ST7: variants seen among roughly 807,000 people sequenced by gnomAD.
ST7 encodes the protein suppression of tumorigenicity 7.
Under a neutral mutation model 78.7 loss-of-function variants are expected in ST7, and 28 were observed. The observed-to-expected ratio is 0.36, with a 90% CI of 0.26 to 0.49. ST7 has a LOEUF of 0.49. Among genes scored for constraint, ST7 ranks in the 20% least tolerant of loss-of-function variants. The pLI, the probability that ST7 is intolerant of heterozygous loss-of-function variation, is 0.99. For synonymous variants in ST7, 247 were observed against 249.6 expected, an observed-to-expected ratio of 0.99 and a Z score of 0.10; for missense variants, 418 against 696.0, an observed-to-expected ratio of 0.60 and a Z score of 4.49.
chr7:117,105,986 GT>G, intron 2 of ST7, among the ~76,000 whole-genome samples: 1 of 145,268 alleles, frequency 6.9e-6, no homozygotes, highest in African/African-American at 2.8e-5. Flanking sequence ...TTTTGTTTTT[GT>G]TTTTGTTTTT....
chr7:117,041,982 A>G (rs1196784300), intron 1 of ST7, among the ~76,000 whole-genome samples: 1 of 152,226 alleles, frequency 6.6e-6, no homozygotes, highest in African/African-American at 2.4e-5. Context: ...AGAAGAACTC[A>G]ACCTGCCTTT....
intron 1 of ST7, among the ~76,000 whole-genome samples, chr7:116,975,917 C>A (rs533295048): frequency 9.9e-5 from 15 of 152,026 alleles, no homozygotes; most frequent in Non-Finnish European, 2.2e-4. Context: ...TTGCCAGATT[C>A]CTTTACAGAA....
At chr7:117,033,614 G>A (rs1039617715) in intron 1 of ST7, among the ~76,000 whole-genome samples, 1 of 152,048 alleles carries the variant, frequency 6.6e-6, no homozygotes, top group Admixed American at 6.5e-5. Context: ...AGTAGAGACT[G>A]GGTTTTACTG....
intron 10 of ST7, among the ~76,000 whole-genome samples, chr7:117,176,236 A>G (rs1046385865): frequency 8.5e-5 from 13 of 152,206 alleles, no homozygotes; most frequent in Non-Finnish European, 1.6e-4. Flanking sequence ...CAAACGAACT[A>G]GGGACAGCTG....
At chr7:117,004,295 G>C (rs1387942980) in intron 1 of ST7, among the ~76,000 whole-genome samples, 1 of 152,146 alleles carries the variant, frequency 6.6e-6, no homozygotes, top group African/African-American at 2.4e-5. Context: ...CTTTGACCTT[G>C]CCTTCGTGTT....
intron 1 of ST7, chr7:116,959,260 C>T (rs1562977097): frequency 4.2e-6 from 2 of 470,980 alleles, no homozygotes; most frequent in Middle Eastern, 3.3e-4. Flanking sequence ...GGAATTACAA[C>T]AATTCAGTCA....
intron 9 of ST7, among the ~76,000 whole-genome samples, chr7:117,153,277 C>T (rs766582020): frequency 2.0e-5 from 3 of 152,108 alleles, no homozygotes; most frequent in African/African-American, 4.8e-5. Context: ...AGCTTTAGAT[C>T]TGCTAAACCT....
At chr7:117,155,575 T>A (rs1006316374) in intron 9 of ST7, among the ~76,000 whole-genome samples, 2 of 152,154 alleles carry the variant, frequency 1.3e-5, no homozygotes, top group African/African-American at 2.4e-5. Context: ...TTTGGACATA[T>A]GTATCTCAAC....
chr7:117,067,531 G>A (rs1798703416), intron 1 of ST7, among the ~76,000 whole-genome samples: 1 of 152,078 alleles, frequency 6.6e-6, no homozygotes, highest in South Asian at 2.1e-4. Context: ...TTACTGAGAA[G>A]ATAAAATGAC....
At chr7:117,208,487 G>A (rs1791979765) in intron 12 of ST7, among the ~76,000 whole-genome samples, 1 of 152,106 alleles carries the variant, frequency 6.6e-6, no homozygotes, top group Non-Finnish European at 1.5e-5. Context: ...CAGACCCAGA[G>A]GGAGGAAGGT....
In ST7 at chr7:117,190,703, T is replaced by C. The variant is rs1019616636; in HGVS notation, c.1152-131T>C. ...TCCGTGGGGTCACTCAGAGGTTCCA[T>C]GCAGTAGAAGTTTGGAGAGCTCATG... On this transcript the variant is annotated intron_variant, in intron 11 of 15. Transcript: ENST00000323984. This position sits in a 1 kb window ranked among gnomAD's most constrained non-coding sequence, Gnocchi z 5.2. 7 of 668,576 alleles carry C rather than the reference T, an allele frequency of 1.0e-5. No homozygotes were observed. In the African/African-American group the frequency reaches 1.1e-4, roughly 10 times the overall value. The allele number at this position is 668,576 out of a possible 1,614,324, so 41.4% of individuals were successfully genotyped here.
intron 1 of ST7, among the ~76,000 whole-genome samples, chr7:116,963,222 G>A (rs1792923568): frequency 6.6e-6 from 1 of 152,180 alleles, no homozygotes; most frequent in Non-Finnish European, 1.5e-5. Flanking sequence ...TGTAAATGTG[G>A]AATAATATCT....
At chr7:117,204,115 C>T (rs1791507975) in intron 12 of ST7, among the ~76,000 whole-genome samples, 1 of 152,172 alleles carries the variant, frequency 6.6e-6, no homozygotes, top group South Asian at 2.1e-4. Flanking sequence ...TAGCCCAGGT[C>T]TCTTCAACTG....
At chr7:117,165,800 G>A (rs571943740) in intron 9 of ST7, among the ~76,000 whole-genome samples, 8 of 152,078 alleles carry the variant, frequency 5.3e-5, no homozygotes, top group Non-Finnish European at 1.2e-4. Flanking sequence ...GTTGAGGAGC[G>A]GCCAGATTGA....
At chr7:116,997,087 C>T (rs77609097) in intron 1 of ST7, among the ~76,000 whole-genome samples, 3 of 152,050 alleles carry the variant, frequency 2.0e-5, no homozygotes, top group Admixed American at 1.3e-4. Flanking sequence ...TTCTGATGTT[C>T]GGATGTGTTC....
At chr7:117,043,063 T>G (rs1797312867) in intron 1 of ST7, among the ~76,000 whole-genome samples, 1 of 152,206 alleles carries the variant, frequency 6.6e-6, no homozygotes, top group Non-Finnish European at 1.5e-5. Flanking sequence ...ACAATTCACC[T>G]TTTTGTTTTA....
chr7:117,198,766 G>A (rs1810542896), intron 12 of ST7, among the ~76,000 whole-genome samples: 2 of 152,012 alleles, frequency 1.3e-5, no homozygotes, highest in African/African-American at 4.8e-5. Context: ...CCTGTCCTAG[G>A]CATGCATGAG....
chr7:117,007,330 G>A (rs1795198507), intron 1 of ST7, among the ~76,000 whole-genome samples: 1 of 152,174 alleles, frequency 6.6e-6, no homozygotes, highest in African/African-American at 2.4e-5. Flanking sequence ...AATCAAACCA[G>A]CCATAACATT....
chr7:117,051,212 G>C (rs1797776595), intron 1 of ST7, among the ~76,000 whole-genome samples: 1 of 152,186 alleles, frequency 6.6e-6, no homozygotes, highest in Admixed American at 6.5e-5. Context: ...TTCTGTCATG[G>C]AACTCATAGT....
Sources: allele counts gnomAD v4.1 joint callset (sites outside exome capture counted in the v4.1 genomes callset), GRCh38; gene constraint gnomAD v4.1.1; non-coding constraint Gnocchi (gnomAD v3.1); transcripts MANE v1.5; gene names NCBI Gene and HGNC (gene_info 2026-07-23, HGNC 2026-07-21).